Variants in TAFA1 observed in about 807,000 individuals in gnomAD.
TAFA1 encodes TAFA chemokine like family member 1.
Under a neutral mutation model 18.5 loss-of-function variants are expected in TAFA1, and 4 were observed. That is an observed-to-expected ratio of 0.22 (90% CI 0.11 to 0.49). The LOEUF (loss-of-function observed/expected upper bound fraction) is 0.49, where lower values mean the gene tolerates loss of function less well. Among genes scored for constraint, TAFA1 ranks in the 20% least tolerant of loss-of-function variants. TAFA1 has a pLI of 0.98. For synonymous variants in TAFA1, 56 were observed against 55.2 expected (o/e 1.01, Z -0.06); for missense variants, 147 against 169.0 (o/e 0.87, Z 0.72).
At chr3:68,536,446 G>T (rs915360329) in intron 3 of TAFA1, among the ~76,000 whole-genome samples, 1 of 152,156 alleles carries the variant, frequency 6.6e-6, no homozygotes, top group Admixed American at 6.5e-5. Context: ...GGAACATGGG[G>T]GATGGAGGGG....
intron 2 of TAFA1, among the ~76,000 whole-genome samples, chr3:68,371,693 G>A (rs6783547): frequency 0.016 from 2,391 of 152,242 alleles, 63 homozygotes; most frequent in African/African-American, 0.053. Context: ...ATGGGTTTTT[G>A]TGAAGTTAAA....
At chr3:68,182,611 C>A (rs1409486585) in intron 2 of TAFA1, among the ~76,000 whole-genome samples, 2 of 152,090 alleles carry the variant, frequency 1.3e-5, no homozygotes, top group African/African-American at 4.8e-5. Context: ...TGAACAACAT[C>A]CAACACCCCT....
chr3:68,295,487 G>C (rs925230920), intron 2 of TAFA1, among the ~76,000 whole-genome samples: 1 of 152,072 alleles, frequency 6.6e-6, no homozygotes, highest in Non-Finnish European at 1.5e-5. Context: ...CTGTGTGTCT[G>C]TGTGTGTGTG....
At chr3:68,136,667 T>C (rs1207259275) in intron 2 of TAFA1, among the ~76,000 whole-genome samples, 1 of 152,054 alleles carries the variant, frequency 6.6e-6, no homozygotes, top group Non-Finnish European at 1.5e-5. Context: ...AGTTCCTAAA[T>C]GGAAAAAGGG....
chr3:68,306,977 T>A (rs1460578101), intron 2 of TAFA1, among the ~76,000 whole-genome samples: 1 of 152,192 alleles, frequency 6.6e-6, no homozygotes, highest in Admixed American at 6.6e-5. Context: ...AACATGATCT[T>A]TGACTCCAGC....
intron 3 of TAFA1, among the ~76,000 whole-genome samples, chr3:68,521,822 A>G (rs2073028008): frequency 6.8e-6 from 1 of 147,856 alleles, no homozygotes; most frequent in Admixed American, 6.8e-5. Context: ...ACAGAAACAT[A>G]GAAGTGAGTC....
In TAFA1 at chr3:68,301,064, C is replaced by A. The variant is rs569949740; in HGVS notation, c.119-116216C>A. On this transcript the variant is annotated intron_variant, in intron 2 of 4. Coordinates refer to ENST00000478136, the MANE Select transcript of TAFA1 (RefSeq NM_213609.4). ...TAACCACTAAACAAAATATTTAGCA[C>A]CTTTAGTAAAGGTAATACATTCACA... Among the ~76,000 whole-genome samples, 111 of 152,136 alleles carry A rather than the reference C, an allele frequency of 7.3e-4. 1 individual carries two copies. Among genetic ancestry groups the A allele is most frequent in the African/African-American group, 2.6e-3 (109 of 41,512 alleles).
At chr3:68,466,790 A>C (rs1013141419) in intron 3 of TAFA1, among the ~76,000 whole-genome samples, 1 of 152,192 alleles carries the variant, frequency 6.6e-6, no homozygotes, top group Non-Finnish European at 1.5e-5. Context: ...ATTTCAACGT[A>C]GGTTCTTTTC....
intron 2 of TAFA1, among the ~76,000 whole-genome samples, chr3:68,284,665 C>A (rs950252016): frequency 6.6e-6 from 1 of 152,102 alleles, no homozygotes; most frequent in African/African-American, 2.4e-5. Context: ...TGGTGATTCA[C>A]ACCTGTAAAC....
chr3:68,049,665 A>T (rs1212680147), intron 2 of TAFA1, among the ~76,000 whole-genome samples: 1 of 151,790 alleles, frequency 6.6e-6, no homozygotes, highest in Non-Finnish European at 1.5e-5. Context: ...AAGGAGGTGT[A>T]CAGATGTTAA....
intron 3 of TAFA1, among the ~76,000 whole-genome samples, chr3:68,490,883 A>C (rs1272263748): frequency 6.6e-6 from 1 of 150,384 alleles, no homozygotes; most frequent in Non-Finnish European, 1.5e-5. Flanking sequence ...CTGTCAACCC[A>C]GGCTGGAGTG....
chr3:68,069,579 A>G (rs1021505211), intron 2 of TAFA1, among the ~76,000 whole-genome samples: 1 of 152,072 alleles, frequency 6.6e-6, no homozygotes, highest in Admixed American at 6.5e-5. Flanking sequence ...AAAACCAGCC[A>G]TGCCTTCCCT....
chr3:68,172,318 G>C (rs1243386389), intron 2 of TAFA1, among the ~76,000 whole-genome samples: 1 of 152,048 alleles, frequency 6.6e-6, no homozygotes, highest in African/African-American at 2.4e-5. Flanking sequence ...TTAATCCTTA[G>C]GGAAAGGCAA....
At chr3:68,461,223 A>C (rs1378048015) in intron 3 of TAFA1, among the ~76,000 whole-genome samples, 1 of 151,916 alleles carries the variant, frequency 6.6e-6, no homozygotes, top group African/African-American at 2.4e-5. Flanking sequence ...GATAGGTTGC[A>C]AGGAGCCAAG....
At chr3:68,358,897 T>G (rs528297949) in intron 2 of TAFA1, among the ~76,000 whole-genome samples, 50 of 120,176 alleles carry the variant, frequency 4.2e-4, no homozygotes, top group African/African-American at 1.5e-3. Context: ...CCAGCCTACC[T>G]AAGAAGTTTA....
chr3:68,305,053 A>G (rs929624787), intron 2 of TAFA1, among the ~76,000 whole-genome samples: 4 of 152,040 alleles, frequency 2.6e-5, no homozygotes, highest in African/African-American at 9.7e-5. Flanking sequence ...CACAACAAAA[A>G]TCTACTTTCC....
chr3:68,257,568 T>A (rs530991678), intron 2 of TAFA1, among the ~76,000 whole-genome samples: 1 of 152,104 alleles, frequency 6.6e-6, no homozygotes, highest in Non-Finnish European at 1.5e-5. Flanking sequence ...GCTAAGTGCA[T>A]AATACTCATG....
rs1054454504 is a variant in TAFA1 at position 68,106,759 on chromosome 3, G to C, written c.118+100015G>C. On this transcript the variant is annotated intron_variant, in intron 2 of 4. Transcript: ENST00000478136. Reference sequence around the variant, plus strand: ...AATGCACTACTAAGAAAACCAAATGGGCAAATGATTTGAACATATACCTCA... The same window carrying C: ...AATGCACTACTAAGAAAACCAAATGCGCAAATGATTTGAACATATACCTCA... Among the ~76,000 whole-genome samples, 5 of 151,866 alleles carry C rather than the reference G, an allele frequency of 3.3e-5. No homozygotes were observed. In the South Asian group the frequency reaches 1.0e-3, roughly 32 times the overall value.
chr3:68,337,283 G>A (rs1248998369), intron 2 of TAFA1, among the ~76,000 whole-genome samples: 2 of 152,212 alleles, frequency 1.3e-5, no homozygotes, highest in Non-Finnish European at 2.9e-5. Context: ...GGAGCAGGAG[G>A]AAGAGAGAGA....
Sources: gnomAD v4.1 joint callset for allele counts (sites outside exome capture counted in the v4.1 genomes callset) on GRCh38, gnomAD v4.1.1 for gene constraint, MANE v1.5 for transcripts, NCBI Gene and HGNC (gene_info 2026-07-23, HGNC 2026-07-21) for gene names.